The following MIGA2 variants were observed in gnomAD, a reference collection of about 807,000 sequenced individuals.
MIGA2 encodes the protein family with sequence similarity 73, member B.
MIGA2 carries 36 observed loss-of-function variants against 69.9 expected under a neutral mutation model. That is an observed-to-expected ratio of 0.52 (90% confidence interval 0.39 to 0.68). The LOEUF is 0.68. Among genes scored for constraint, MIGA2 ranks in the 30% least tolerant of loss-of-function variants. The pLI, the probability that MIGA2 is intolerant of heterozygous loss-of-function variation, is 0.00. For synonymous variants in MIGA2, 333 were observed against 349.2 expected (o/e 0.95, Z 0.52); for missense variants, 660 against 787.7 (o/e 0.84, Z 1.94).
chr9:129,061,465 T>C lies in MIGA2; in HGVS notation c.1010+119T>C. Reference sequence around the variant, plus strand: ...GGACTTAGCCTGAGTGAGTCCAGGCTGCCTGAGGGCCGTGGTGAGCTGGTG... The same window carrying C: ...GGACTTAGCCTGAGTGAGTCCAGGCCGCCTGAGGGCCGTGGTGAGCTGGTG... On this transcript the variant is annotated intron_variant, in intron 9 of 15. Coordinates refer to ENST00000684074, the MANE Select transcript of MIGA2 (RefSeq NM_001329990.2). The surrounding 1 kb of genome is among the most constrained non-coding windows in gnomAD (Gnocchi z 5.0). The C allele has an allele frequency of 1.1e-6, 1 of 872,618 alleles. No homozygotes were observed. The highest frequency in any genetic ancestry group is 1.8e-6 in the Non-Finnish European group (1 of 565,760). 54.1% of individuals were successfully genotyped at this position (872,618 alleles called of 1,614,324 possible).
chr9:129,052,652 G>A (rs1416874802), intron 6 of MIGA2, among the ~76,000 whole-genome samples: 1 of 152,106 alleles, frequency 6.6e-6, no homozygotes, highest in Non-Finnish European at 1.5e-5. Flanking sequence ...CCTCACCCTT[G>A]CCTTCATTCC....
At chr9:129,056,126 C>G (rs1004170696) in intron 6 of MIGA2, among the ~76,000 whole-genome samples, 2 of 88,232 alleles carry the variant, frequency 2.3e-5, no homozygotes, top group Non-Finnish European at 4.4e-5. Context: ...GACCCTGTCT[C>G]AAGAAAAAAA....
At chr9:129,064,239 C>G (rs1382258079) in intron 11 of MIGA2, among the ~76,000 whole-genome samples, 1 of 151,584 alleles carries the variant, frequency 6.6e-6, no homozygotes, top group Non-Finnish European at 1.5e-5. Flanking sequence ...CAGAGTCTCG[C>G]TCTCTCGCCC....
chr9:129,067,695 C>G (rs1440056511), intron 11 of MIGA2, 78 bp from the exon 12 acceptor site: 2 of 1,357,824 alleles, frequency 1.5e-6, no homozygotes, highest in African/African-American at 2.9e-5. Context: ...CGTGCCTTGG[C>G]ATGTCCCCCA....
chr9:129,062,775 C>T (rs941018373), intron 9 of MIGA2, among the ~76,000 whole-genome samples: 3 of 151,690 alleles, frequency 2.0e-5, no homozygotes, highest in Admixed American at 6.6e-5. Flanking sequence ...ACCTGGGAGG[C>T]GGAGGTTGCA....
intron 11 of MIGA2, among the ~76,000 whole-genome samples, chr9:129,066,365 A>G (rs1205514210): frequency 1.3e-5 from 2 of 152,122 alleles, no homozygotes; most frequent in African/African-American, 4.8e-5. Context: ...CCTTCCCAGT[A>G]TGGGACTTTG....
At chr9:129,050,105 C>A in intron 6 of MIGA2, 142 bp downstream of exon 6, 1 of 1,163,616 alleles carries the variant, frequency 8.6e-7, no homozygotes, top group Non-Finnish European at 1.2e-6. Flanking sequence ...TGATGTGAAA[C>A]AAAACAATTC....
At chr9:129,049,999 A>G in intron 6 of MIGA2, 36 bp downstream of exon 6, 1 of 1,586,566 alleles carries the variant, frequency 6.3e-7, no homozygotes. Flanking sequence ...CGCCCATGGG[A>G]TAAAGTTGGC....
intron 3 of MIGA2, among the ~76,000 whole-genome samples, chr9:129,045,167 C>T (rs1403132562): frequency 2.4e-5 from 3 of 126,828 alleles, no homozygotes; most frequent in Admixed American, 7.9e-5. Flanking sequence ...AAAAAAAAAA[C>T]GAAGCAAAAG....
intron 6 of MIGA2, among the ~76,000 whole-genome samples, chr9:129,055,171 G>A (rs1257509550): frequency 6.7e-6 from 1 of 149,746 alleles, no homozygotes; most frequent in Non-Finnish European, 1.5e-5. Flanking sequence ...TCTGCCTCCT[G>A]AGTTCATACC....
chr9:129,056,891 G>C (rs368845975), intron 6 of MIGA2, among the ~76,000 whole-genome samples: 1 of 152,142 alleles, frequency 6.6e-6, no homozygotes, highest in South Asian at 2.1e-4. Flanking sequence ...AAAATTAGCC[G>C]GGTGTGGCGG....
intron 1 of MIGA2, chr9:129,037,123 A>G: frequency 5.5e-6 from 5 of 914,294 alleles, no homozygotes; most frequent in Non-Finnish European, 6.7e-6. Flanking sequence ...GCTGAGGTCC[A>G]ACGCGGGGAT....
chr9:129,048,478 T>G lies in MIGA2; in HGVS notation c.359T>G (p.Leu120Arg). Residue 120 changes from leucine (L) to arginine (R), a missense_variant, in exon 4 of 16, where the codon CTG becomes CGG. This residue lies in a region of MIGA2 where 386 missense variants were observed against 402.0 expected (regional missense o/e 0.96). Transcript: ENST00000684074. ...QSPSSKSNDT[L>R]SGISSIEPSK... ...CCCAGCAGCAAGAGCAACGACACCCTGAGTGGCATCTCTTCCATTGAGCCC... is the reference window on the plus strand; with the variant it reads ...CCCAGCAGCAAGAGCAACGACACCCGGAGTGGCATCTCTTCCATTGAGCCC... 1.2e-6 allele frequency: 2 copies of G among 1,614,090 alleles called. No individual in the cohort carries two copies. Among genetic ancestry groups the G allele is most frequent in the South Asian group, 1.1e-5 (1 of 91,088 alleles).
chr9:129,041,765 G>A (rs1844918184), intron 2 of MIGA2, among the ~76,000 whole-genome samples: 1 of 152,150 alleles, frequency 6.6e-6, no homozygotes, highest in Admixed American at 6.5e-5. Context: ...CCCATCTGAG[G>A]GGCTCCCAGG....
At chr9:129,063,412 C>T in intron 10 of MIGA2, 96 bp downstream of exon 10, 1 of 1,554,532 alleles carries the variant, frequency 6.4e-7, no homozygotes, top group Non-Finnish European at 8.7e-7. Context: ...TGGTCCCTGG[C>T]CAGGCCTGCT....
At position 129,068,440 on chromosome 9, in the gene MIGA2, C is replaced by A; in HGVS notation, c.1404+108C>A. 1 of 1,464,956 alleles carries A rather than the reference C, an allele frequency of 6.8e-7. No individual in the cohort carries two copies. The highest frequency in any genetic ancestry group is 1.2e-5 in the South Asian group (1 of 81,782). The allele number at this position is 1,464,956 out of a possible 1,614,324, so 90.7% of individuals were successfully genotyped here. ...CACTGGCACCAGGGCTGGGCCCCCA[C>A]CCCCTAGATCCGCGGCTGCCAGGCC... On this transcript the variant is annotated intron_variant, in intron 13 of 15. Transcript: ENST00000684074. The surrounding 1 kb of genome is among the most constrained non-coding windows in gnomAD (Gnocchi z 4.1).
intron 6 of MIGA2, among the ~76,000 whole-genome samples, chr9:129,050,865 C>T (rs1473285694): frequency 1.3e-5 from 2 of 151,562 alleles, no homozygotes; most frequent in Non-Finnish European, 2.9e-5. Flanking sequence ...GCCACTGCAC[C>T]CTTTTTTTCT....
chr9:129,041,363 A>C (rs1453181488), intron 2 of MIGA2, among the ~76,000 whole-genome samples: 1 of 150,436 alleles, frequency 6.6e-6, no homozygotes, highest in Non-Finnish European at 1.5e-5. Context: ...GCATGGTGGC[A>C]GGTGCCTGTA....
At chr9:129,044,464 G>A (rs1309193429) in intron 3 of MIGA2, among the ~76,000 whole-genome samples, 4 of 152,050 alleles carry the variant, frequency 2.6e-5, no homozygotes, top group Admixed American at 6.6e-5. Context: ...AAACTCTTAC[G>A]GCTCCTGTTA....
Sources: gnomAD v4.1 joint callset for allele counts (sites outside exome capture counted in the v4.1 genomes callset) on GRCh38, gnomAD v4.1.1 for gene constraint, gnomAD v4.1.1 regional missense constraint, Gnocchi (gnomAD v3.1) non-coding constraint, MANE v1.5 for transcripts, NCBI Gene and HGNC (gene_info 2026-07-23, HGNC 2026-07-21) for gene names.